Variants in UGGT2 observed in about 807,000 individuals in gnomAD.
The protein encoded by UGGT2 is UDP-glucose:glycoprotein glucosyltransferase 2.
A neutral mutation model predicts 192.1 loss-of-function variants in UGGT2; 180 were observed. That is an observed-to-expected ratio of 0.94 (90% confidence interval 0.83 to 1.06). UGGT2 has a LOEUF of 1.06. Ranked by LOEUF, UGGT2 falls within the 50% of genes least tolerant of loss-of-function variation. UGGT2 has a pLI of 0.00. For missense variants in UGGT2, 1,849 were observed against 1,795.7 expected (o/e 1.03, Z -0.54); for synonymous variants, 580 against 591.0 (o/e 0.98, Z 0.27).
intron 10 of UGGT2, among the ~76,000 whole-genome samples, chr13:95,976,829 A>G (rs529513604): frequency 9.8e-5 from 15 of 152,334 alleles, no homozygotes; most frequent in Admixed American, 7.8e-4. Flanking sequence ...CTAAAACCGC[A>G]TGGTACTGGT....
At chr13:95,954,053 C>G (rs2050143550) in intron 12 of UGGT2, among the ~76,000 whole-genome samples, 1 of 152,104 alleles carries the variant, frequency 6.6e-6, no homozygotes, top group Non-Finnish European at 1.5e-5. Flanking sequence ...TTTCAGTGCT[C>G]ACATGATGCT....
chr13:95,998,087 G>A (rs1051572797), intron 6 of UGGT2, among the ~76,000 whole-genome samples: 3 of 152,140 alleles, frequency 2.0e-5, no homozygotes, highest in African/African-American at 7.2e-5. Flanking sequence ...CCTAAGATCA[G>A]AGAGATGGCT....
At chr13:95,942,013 G>A (rs1235551051) in intron 15 of UGGT2, among the ~76,000 whole-genome samples, 2 of 152,100 alleles carry the variant, frequency 1.3e-5, no homozygotes, top group Non-Finnish European at 2.9e-5. Context: ...ATATGGTATG[G>A]TGTTAGTCTT....
In UGGT2 at chr13:96,053,274, T is replaced by C. The variant is rs765017564; in HGVS notation, c.39A>G (p.Leu13=). 3.8e-6 allele frequency: 6 copies of C among 1,577,028 alleles called. No individual in the cohort carries two copies. The African/African-American group carries it at 4.1e-5, about 11-fold the overall frequency. Residue 13 remains leucine, a synonymous_variant, in exon 1 of 39, where the codon CTA becomes CTG. Coordinates refer to ENST00000376747, the MANE Select transcript of UGGT2 (RefSeq NM_020121.4). ...AAAGCCACAGCGCTGTGGAGCCTAG[T>C]AGCAGCCGCACCACGTTCGTGGCTT... is the stretch of plus-strand genomic sequence containing the variant. The part of the protein sequence containing the change: ...PAKATNVVRL[L]LGSTALWLSQ...
At chr13:95,931,085 A>G (rs552188184) in intron 17 of UGGT2, among the ~76,000 whole-genome samples, 7 of 151,820 alleles carry the variant, frequency 4.6e-5, no homozygotes, top group Admixed American at 1.3e-4. Context: ...TTCTACAGAG[A>G]GCTGATTGGT....
intron 12 of UGGT2, among the ~76,000 whole-genome samples, chr13:95,968,707 A>C (rs2050669021): frequency 6.6e-6 from 1 of 152,186 alleles, no homozygotes; most frequent in African/African-American, 2.4e-5. Flanking sequence ...AACCCTGCAG[A>C]ACTGTAAGTC....
At chr13:95,923,264 G>A (rs1361111685) in intron 20 of UGGT2, among the ~76,000 whole-genome samples, 2 of 151,890 alleles carry the variant, frequency 1.3e-5, no homozygotes. Context: ...TTGTTATGTT[G>A]CCCAGACTGG....
At chr13:95,951,094 A>G (rs901821284) in intron 12 of UGGT2, among the ~76,000 whole-genome samples, 1 of 152,190 alleles carries the variant, frequency 6.6e-6, no homozygotes, top group Non-Finnish European at 1.5e-5. Flanking sequence ...GGCTTCAGAG[A>G]AAAGGTGACA....
At chr13:95,932,578 C>G (rs1319095935) in intron 17 of UGGT2, among the ~76,000 whole-genome samples, 1 of 151,944 alleles carries the variant, frequency 6.6e-6, no homozygotes, top group Non-Finnish European at 1.5e-5. Flanking sequence ...ATTTGGATGC[C>G]TTTTATTTAT....
chr13:95,963,240 A>C (rs1566763361), intron 12 of UGGT2, among the ~76,000 whole-genome samples: 1 of 152,180 alleles, frequency 6.6e-6, no homozygotes, highest in Non-Finnish European at 1.5e-5. Context: ...AGATGCAAGG[A>C]TAGTTCAACA....
chr13:96,045,068 G>A (rs1257594436), intron 1 of UGGT2, among the ~76,000 whole-genome samples: 1 of 152,066 alleles, frequency 6.6e-6, no homozygotes, highest in Non-Finnish European at 1.5e-5. Context: ...CAATATCCCT[G>A]ATGAACACAG....
chr13:95,899,445 T>C (rs916636052), intron 22 of UGGT2, among the ~76,000 whole-genome samples: 4 of 152,174 alleles, frequency 2.6e-5, no homozygotes, highest in Non-Finnish European at 4.4e-5. Flanking sequence ...AAGATTAATA[T>C]CTTAATATTT....
Position 95,943,909 on chromosome 13 carries a change from T to C in UGGT2, c.1677+3128A>G, listed in dbSNP as rs2049777069. 3.9e-5 allele frequency among the ~76,000 whole-genome samples: 6 copies of C among 152,178 alleles called. No homozygotes were observed. In the South Asian group the frequency reaches 8.3e-4, roughly 21 times the overall value. ...TACTGCTAAGATGTGCTGTCATCAA[T>C]TAACAAAATTCCCTTACATAATAGT... On this transcript the variant is annotated intron_variant, in intron 15 of 38. Transcript: ENST00000376747.
chr13:95,920,928 G>C (rs2048825179), intron 20 of UGGT2, among the ~76,000 whole-genome samples: 3 of 152,110 alleles, frequency 2.0e-5, no homozygotes, highest in Non-Finnish European at 1.5e-5. Context: ...CAATAGTAAA[G>C]ACACGGAATC....
At chr13:95,899,528 T>C (rs1214365200) in intron 22 of UGGT2, among the ~76,000 whole-genome samples, 1 of 152,154 alleles carries the variant, frequency 6.6e-6, no homozygotes, top group Non-Finnish European at 1.5e-5. Context: ...CATAACTGTA[T>C]CTAGTATTTG....
At chr13:95,939,864 G>C (rs1475377983) in intron 16 of UGGT2, 93 bp downstream of exon 16, 1 of 1,099,716 alleles carries the variant, frequency 9.1e-7, no homozygotes, top group African/African-American at 1.7e-5. Context: ...CTGTGAGTCT[G>C]ACTTTTTTTA....
chr13:95,919,775 C>T (rs1044351726), intron 20 of UGGT2, among the ~76,000 whole-genome samples: 2 of 152,132 alleles, frequency 1.3e-5, no homozygotes, highest in Admixed American at 1.3e-4. Context: ...AATGGCCATA[C>T]TGCCCTAAGT....
intron 4 of UGGT2, among the ~76,000 whole-genome samples, chr13:96,018,112 T>C (rs1275463117): frequency 1.3e-5 from 2 of 152,168 alleles, no homozygotes; most frequent in South Asian, 2.1e-4. Context: ...AAGAACATGC[T>C]AGTAAAAAAA....
chr13:95,995,032 C>T (rs1322244475), intron 7 of UGGT2, among the ~76,000 whole-genome samples: 1 of 151,918 alleles, frequency 6.6e-6, no homozygotes, highest in Non-Finnish European at 1.5e-5. Flanking sequence ...GAAATAAAAT[C>T]CCACTCTCAA....
Sources: allele counts gnomAD v4.1 joint callset (sites outside exome capture counted in the v4.1 genomes callset), GRCh38; gene constraint gnomAD v4.1.1; transcripts MANE v1.5; gene names NCBI Gene and HGNC (gene_info 2026-07-23, HGNC 2026-07-21).